Variants in BBS9 observed in about 807,000 individuals in gnomAD.
BBS9 encodes the protein Bardet-Biedl syndrome 9.
Under a neutral mutation model 117.7 loss-of-function variants are expected in BBS9, and 89 were observed. That is an observed-to-expected ratio of 0.76 (90% CI 0.64 to 0.90). BBS9 has a LOEUF of 0.90. Ranked by LOEUF, BBS9 falls within the 40% of genes least tolerant of loss-of-function variation. The pLI, the probability that BBS9 is intolerant of heterozygous loss-of-function variation, is 0.00. For synonymous variants in BBS9, 379 were observed against 370.9 expected, an observed-to-expected ratio of 1.02 and a Z score of -0.25; for missense variants, 982 against 1,042.2, an observed-to-expected ratio of 0.94 and a Z score of 0.80.
At chr7:33,565,168 G>A (rs1856656683) in intron 21 of BBS9, among the ~76,000 whole-genome samples, 1 of 152,080 alleles carries the variant, frequency 6.6e-6, no homozygotes, top group Non-Finnish European at 1.5e-5. Flanking sequence ...GTACATAGTC[G>A]ATGCTCAGTA....
At chr7:33,557,406 G>T (rs1250064410) in intron 21 of BBS9, among the ~76,000 whole-genome samples, 1 of 152,054 alleles carries the variant, frequency 6.6e-6, no homozygotes, top group African/African-American at 2.4e-5. Flanking sequence ...GTAATACATT[G>T]TGTGCTATCC....
At chr7:33,466,042 T>C (rs1017600691) in intron 19 of BBS9, among the ~76,000 whole-genome samples, 5 of 151,952 alleles carry the variant, frequency 3.3e-5, no homozygotes, top group African/African-American at 1.2e-4. Context: ...ATATTTAAAG[T>C]ATATAACATT....
chr7:33,463,144 T>C (rs945671233), intron 19 of BBS9, among the ~76,000 whole-genome samples: 1 of 152,088 alleles, frequency 6.6e-6, no homozygotes, highest in African/African-American at 2.4e-5. Flanking sequence ...CCAGGCTCTC[T>C]TTGTATTTAG....
intron 21 of BBS9, among the ~76,000 whole-genome samples, chr7:33,591,119 G>T (rs914971091): frequency 8.5e-5 from 13 of 152,140 alleles, no homozygotes; most frequent in Non-Finnish European, 1.8e-4. Flanking sequence ...CACAATCCTG[G>T]AAGGATGTGG....
At chr7:33,246,518 GT>G (rs1795355823) in intron 5 of BBS9, among the ~76,000 whole-genome samples, 1 of 151,438 alleles carries the variant, frequency 6.6e-6, no homozygotes, top group Non-Finnish European at 1.5e-5. Flanking sequence ...AATTTTTTTT[GT>G]TTTTAAATAT....
At chr7:33,528,415 G>A (rs958455315) in intron 20 of BBS9, among the ~76,000 whole-genome samples, 1 of 151,838 alleles carries the variant, frequency 6.6e-6, no homozygotes, top group African/African-American at 2.4e-5. Flanking sequence ...TGTTACTGTG[G>A]CATTTTGTGG....
At chr7:33,460,483 T>C (rs971452140) in intron 19 of BBS9, among the ~76,000 whole-genome samples, 10 of 152,086 alleles carry the variant, frequency 6.6e-5, no homozygotes, top group African/African-American at 2.4e-4. Flanking sequence ...TTATTAAATA[T>C]TTTTTATGTA....
At chr7:33,419,615 CT>C (rs961669529) in intron 19 of BBS9, among the ~76,000 whole-genome samples, 1 of 151,992 alleles carries the variant, frequency 6.6e-6, no homozygotes, top group Non-Finnish European at 1.5e-5. Flanking sequence ...TATTAGATAA[CT>C]TTTTTTGTAT....
At chr7:33,210,226 GTTATT>G (rs894986142) in intron 5 of BBS9, among the ~76,000 whole-genome samples, 11 of 152,102 alleles carry the variant, frequency 7.2e-5, no homozygotes, top group Middle Eastern at 3.4e-3. Flanking sequence ...TTGTTAATTT[GTTATT>G]TTATTCCATT....
Position 33,368,605 on chromosome 7 carries a change from CACACACACACA to C in BBS9, c.1789+744_1789+754del, listed in dbSNP as rs1185033818. On this transcript the variant is annotated intron_variant, in intron 17 of 22. Transcript: ENST00000242067. ...ACACACACACACACACACACACACA[CACACACACACA>C]CCCATACCCCCTTGAAATAGTCTGG... 5.3e-5 allele frequency among the ~76,000 whole-genome samples: 8 copies of C among 151,564 alleles called. No individual in the cohort carries two copies. In the East Asian group the frequency reaches 7.8e-4, roughly 15 times the overall value.
At chr7:33,485,499 T>C (rs1041720334) in intron 19 of BBS9, among the ~76,000 whole-genome samples, 2 of 151,790 alleles carry the variant, frequency 1.3e-5, no homozygotes, top group African/African-American at 2.4e-5. Flanking sequence ...TTAGTAGAGA[T>C]GGGGTTTCAC....
At chr7:33,406,702 T>G (rs958462252) in intron 19 of BBS9, among the ~76,000 whole-genome samples, 1 of 152,110 alleles carries the variant, frequency 6.6e-6, no homozygotes, top group Non-Finnish European at 1.5e-5. Context: ...GAAGCTTAGT[T>G]TGGCTGGATA....
At chr7:33,612,586 C>T (rs572264881) in intron 21 of BBS9, among the ~76,000 whole-genome samples, 3 of 152,054 alleles carry the variant, frequency 2.0e-5, no homozygotes, top group Admixed American at 1.3e-4. Flanking sequence ...GAGTCCCTCC[C>T]ATCATTTGCA....
chr7:33,576,759 T>C (rs1283953101), intron 21 of BBS9, among the ~76,000 whole-genome samples: 5 of 152,144 alleles, frequency 3.3e-5, no homozygotes, highest in Non-Finnish European at 5.9e-5. Context: ...ACCAGACATC[T>C]ACAATCATCT....
rs552163822 is a variant in BBS9 at position 33,203,815 on chromosome 7, C to T, written c.442+26224C>T. ...TTGGCTCACTGCAACCTCCGCCTCC[C>T]GGGCTCAAGCAATTCTCCTGCCTCA... On this transcript the variant is annotated intron_variant, in intron 5 of 22. Coordinates refer to ENST00000242067, the MANE Select transcript of BBS9 (RefSeq NM_198428.3). Among the ~76,000 whole-genome samples the T allele has an allele frequency of 7.6e-4, 115 of 151,850 alleles. 1 individual carries two copies. Among genetic ancestry groups the T allele is most frequent in the Non-Finnish European group, 5.0e-4 (34 of 67,946 alleles).
chr7:33,227,015 T>G (rs998428527), intron 5 of BBS9, among the ~76,000 whole-genome samples: 4 of 152,220 alleles, frequency 2.6e-5, no homozygotes, highest in Non-Finnish European at 4.4e-5. Context: ...CACAGAACTG[T>G]ACATTCTAAA....
chr7:33,553,944 A>G (rs73109645), intron 21 of BBS9, among the ~76,000 whole-genome samples: 15,015 of 152,038 alleles, frequency 0.099, 871 homozygotes, highest in African/African-American at 0.15. Context: ...TGAAACAATG[A>G]GTTGAGAGAG....
At chr7:33,574,684 A>AACACACAC (rs371229936) in intron 21 of BBS9, among the ~76,000 whole-genome samples, 3,169 of 137,534 alleles carry the variant, frequency 0.023, 55 homozygotes, top group Middle Eastern at 0.042. Context: ...AGTCATAGAA[A>AACACACAC]ACACACACAC....
chr7:33,617,015 C>T (rs1349899574), intron 21 of BBS9, among the ~76,000 whole-genome samples: 1 of 151,770 alleles, frequency 6.6e-6, no homozygotes, highest in Non-Finnish European at 1.5e-5. Context: ...CCAGCTCATT[C>T]AGTGTTGCAA....
Sources: gnomAD v4.1 joint callset for allele counts (sites outside exome capture counted in the v4.1 genomes callset) on GRCh38, gnomAD v4.1.1 for gene constraint, MANE v1.5 for transcripts, NCBI Gene and HGNC (gene_info 2026-07-23, HGNC 2026-07-21) for gene names.